UBE3D: variants seen among roughly 807,000 people sequenced by gnomAD.
The protein encoded by UBE3D is ubiquitin protein ligase E3D, also known as E3 ubiquitin-protein ligase E3D.
A neutral mutation model predicts 49.6 loss-of-function variants in UBE3D; 48 were observed. That is an observed-to-expected ratio of 0.97 (90% CI 0.77 to 1.23). The LOEUF (loss-of-function observed/expected upper bound fraction) is 1.23. Ranked by LOEUF, UBE3D falls within the 50% of genes most tolerant of loss-of-function variation. The pLI is 0.00. For synonymous variants in UBE3D, 189 were observed against 174.2 expected (o/e 1.08, Z -0.67); for missense variants, 452 against 468.4 (o/e 0.96, Z 0.32).
intron 9 of UBE3D, among the ~76,000 whole-genome samples, chr6:82,912,279 C>A (rs1276425864): frequency 6.6e-6 from 1 of 151,912 alleles, no homozygotes; most frequent in East Asian, 1.9e-4. Flanking sequence ...TCATTAATGA[C>A]CTTCGAGCTT....
chr6:82,891,848 A>G (rs904649010), downstream of UBE3D, among the ~76,000 whole-genome samples: 8 of 152,190 alleles, frequency 5.3e-5, no homozygotes, highest in African/African-American at 1.9e-4. Flanking sequence ...CAATATGGCA[A>G]AACCCTGTCT....
chr6:82,949,452 C>G (rs1371610583), intron 9 of UBE3D, among the ~76,000 whole-genome samples: 1 of 151,836 alleles, frequency 6.6e-6, no homozygotes, highest in Non-Finnish European at 1.5e-5. Flanking sequence ...TCAAAGCAAT[C>G]TACAGATTCA....
intron 6 of UBE3D, among the ~76,000 whole-genome samples, chr6:83,022,770 C>T (rs1781196757): frequency 6.6e-6 from 1 of 152,160 alleles, no homozygotes; most frequent in South Asian, 2.1e-4. Context: ...TTCTTAAAAC[C>T]TATTCTCCAA....
chr6:82,954,046 G>A (rs1775986648), intron 9 of UBE3D, among the ~76,000 whole-genome samples: 1 of 152,196 alleles, frequency 6.6e-6, no homozygotes, highest in Non-Finnish European at 1.5e-5. Context: ...TGTGCCTGGA[G>A]CAGAGTGAGA....
chr6:82,914,146 G>A (rs1478288549), intron 9 of UBE3D, among the ~76,000 whole-genome samples: 2 of 152,034 alleles, frequency 1.3e-5, no homozygotes, highest in Admixed American at 6.6e-5. Flanking sequence ...AAATGATGAA[G>A]GTATAGTGTG....
chr6:82,903,769 C>T (rs1474699424), intron 9 of UBE3D, among the ~76,000 whole-genome samples: 2 of 151,994 alleles, frequency 1.3e-5, no homozygotes, highest in Non-Finnish European at 2.9e-5. Flanking sequence ...AAGAGGGGAT[C>T]GCAAAACAGT....
intron 8 of UBE3D, among the ~76,000 whole-genome samples, chr6:82,979,765 C>T (rs989170816): frequency 6.6e-6 from 1 of 152,062 alleles, no homozygotes; most frequent in Non-Finnish European, 1.5e-5. Flanking sequence ...CTTTCCAACT[C>T]TCCAACATCT....
At chr6:83,031,146 T>C (rs990461056) in intron 5 of UBE3D, among the ~76,000 whole-genome samples, 1 of 152,178 alleles carries the variant, frequency 6.6e-6, no homozygotes, top group Admixed American at 6.5e-5. Flanking sequence ...TAGCTGGGCC[T>C]ACAGGCGTGC....
chr6:82,958,219 A>T (rs530923954), intron 8 of UBE3D, among the ~76,000 whole-genome samples: 1 of 152,320 alleles, frequency 6.6e-6, no homozygotes, highest in African/African-American at 2.4e-5. Flanking sequence ...CTGGCTCCTC[A>T]TCTAGTGCTT....
intron 8 of UBE3D, among the ~76,000 whole-genome samples, chr6:83,006,309 C>T (rs981195707): frequency 2.6e-5 from 4 of 152,140 alleles, no homozygotes; most frequent in African/African-American, 9.7e-5. Context: ...GAAGCCCTAA[C>T]CCCAATGTCC....
chr6:82,937,654 A>T (rs1582402663), intron 9 of UBE3D, among the ~76,000 whole-genome samples: 1 of 152,224 alleles, frequency 6.6e-6, no homozygotes, highest in East Asian at 1.9e-4. Flanking sequence ...AAAATTCCTA[A>T]GCCATAAATG....
chr6:82,895,239 T>A (rs1315386353), intron 9 of UBE3D, among the ~76,000 whole-genome samples: 1 of 152,102 alleles, frequency 6.6e-6, no homozygotes, highest in Non-Finnish European at 1.5e-5. Flanking sequence ...TGAACCCATA[T>A]GGTAGAGGTT....
intron 9 of UBE3D, among the ~76,000 whole-genome samples, chr6:82,918,680 A>G (rs1259703057): frequency 2.0e-5 from 3 of 151,978 alleles, no homozygotes; most frequent in African/African-American, 7.3e-5. Flanking sequence ...TTTTTAAATA[A>G]ACATAGAAAT....
rs73477758 is a variant in UBE3D, at chr6:82,952,611, A to G, written c.1149+4701T>C. On this transcript the variant is annotated intron_variant, in intron 9 of 9. Transcript: ENST00000369747. Reference sequence around the variant, plus strand: ...GCTAATTTTTTAATTTTTTACATAGATGGTGTCTCATTATGTTGCCCAGGG... The same window carrying G: ...GCTAATTTTTTAATTTTTTACATAGGTGGTGTCTCATTATGTTGCCCAGGG... 8.3e-3 allele frequency among the ~76,000 whole-genome samples: 1,257 copies of G among 152,082 alleles called. 22 individuals carry two copies. The highest frequency in any genetic ancestry group is 0.029 in the African/African-American group (1,189 of 41,472).
chr6:82,887,389 G>GTTTTTGTTTTGGTTTTT, the UBE3D span, among the ~76,000 whole-genome samples: 2 of 98,368 alleles, frequency 2.0e-5, no homozygotes, highest in African/African-American at 1.0e-4. Context: ...GACAGTAACA[G>GTTTTTGTTTTGGTTTTT]TTTTTTTTTT....
chr6:82,977,338 A>C (rs1777803137), intron 8 of UBE3D, among the ~76,000 whole-genome samples: 1 of 152,028 alleles, frequency 6.6e-6, no homozygotes, highest in Non-Finnish European at 1.5e-5. Flanking sequence ...TTATATTACC[A>C]ATAATGATTA....
At chr6:82,977,033 C>G (rs997735670) in intron 8 of UBE3D, among the ~76,000 whole-genome samples, 2 of 138,058 alleles carry the variant, frequency 1.4e-5, no homozygotes, top group South Asian at 2.5e-4. Flanking sequence ...AGAATGGCGT[C>G]AACCCGGGAG....
chr6:82,967,297 C>T (rs988110747), intron 8 of UBE3D, among the ~76,000 whole-genome samples: 3 of 152,202 alleles, frequency 2.0e-5, no homozygotes, highest in African/African-American at 4.8e-5. Context: ...TTTTAAACCT[C>T]ATGTTTAAAC....
At chr6:83,050,404 C>A (rs1783396362) in intron 3 of UBE3D, among the ~76,000 whole-genome samples, 2 of 152,106 alleles carry the variant, frequency 1.3e-5, no homozygotes, top group Admixed American at 1.3e-4. Flanking sequence ...CCTCATTTTG[C>A]AGATGAGGAA....
Sources: gnomAD v4.1 joint callset for allele counts (sites outside exome capture counted in the v4.1 genomes callset) on GRCh38, gnomAD v4.1.1 for gene constraint, MANE v1.5 for transcripts, NCBI Gene and HGNC (gene_info 2026-07-23, HGNC 2026-07-21) for gene names.